The following SPTLC2 variants were observed in gnomAD, a reference collection of about 807,000 sequenced individuals.
SPTLC2 encodes serine palmitoyltransferase long chain base subunit 2.
In SPTLC2, 21 loss-of-function variants were observed where a neutral mutation model predicts 62.0. The observed-to-expected ratio is 0.34, with a 90% CI of 0.24 to 0.49. The LOEUF (loss-of-function observed/expected upper bound fraction) is 0.49. SPTLC2 is among the 20% of genes least tolerant of loss of function. The pLI, the probability that SPTLC2 is intolerant of heterozygous loss-of-function variation, is 0.99. For synonymous variants in SPTLC2, 261 were observed against 261.8 expected (o/e 1.00, Z 0.03); for missense variants, 511 against 713.0 (o/e 0.72, Z 3.23).
intron 9 of SPTLC2, among the ~76,000 whole-genome samples, chr14:77,526,249 G>T (rs1427277856): frequency 6.6e-6 from 1 of 152,102 alleles, no homozygotes; most frequent in Admixed American, 6.5e-5. Flanking sequence ...GCTATTTAAC[G>T]CCAGTGTAGT....
chr14:77,540,164 C>A lies in SPTLC2; in HGVS notation c.1303+11932G>T, dbSNP rs550436789. On this transcript the variant is annotated intron_variant, in intron 9 of 11. Coordinates refer to ENST00000216484, the MANE Select transcript of SPTLC2 (RefSeq NM_004863.4). Reference sequence around the variant, plus strand: ...TAAGCAGAGGTTGTGCCATTGTACTCCAGCCTGCCAGCATGGGCAACAAGA... The same window carrying A: ...TAAGCAGAGGTTGTGCCATTGTACTACAGCCTGCCAGCATGGGCAACAAGA... 1.0e-4 allele frequency among the ~76,000 whole-genome samples: 15 copies of A among 146,572 alleles called. No individual in the cohort carries two copies. In the East Asian group the frequency reaches 3.0e-3, roughly 29 times the overall value.
chr14:77,606,331 C>A (rs1407349511), intron 1 of SPTLC2, among the ~76,000 whole-genome samples: 1 of 151,004 alleles, frequency 6.6e-6, no homozygotes, highest in African/African-American at 2.5e-5. Flanking sequence ...GACTCTGTCT[C>A]AAAAAACAAC....
chr14:77,611,387 C>T (rs531335781), intron 1 of SPTLC2, among the ~76,000 whole-genome samples: 57 of 142,530 alleles, frequency 4.0e-4, no homozygotes, highest in Admixed American at 1.0e-3. Flanking sequence ...CGCTTGAGCC[C>T]GAGAAGTTGA....
In SPTLC2 at chr14:77,570,497, T is replaced by A. The variant is rs971010669; in HGVS notation, c.643A>T (p.Lys215Ter). The A allele has an allele frequency of 6.2e-7, 1 of 1,613,800 alleles. No homozygotes were observed. The highest frequency in any genetic ancestry group is 1.7e-5 in the Admixed American group (1 of 59,998). ...STRQEIGNLD[K>*]HEELEELVAR... ...ACAAGCTCCTCTAGTTCTTCATGCT[T>A]GTCCAGGTTTCCTGTGTGAAGAAGT... The change falls in exon 5 of 12, where the codon AAG (lysine) becomes TAG (stop). Residue 215 changes from lysine (K) to a stop codon, truncating the protein, a stop_gained. Transcript: ENST00000216484. LOFTEE classifies it high-confidence loss of function.
chr14:77,610,095 T>C lies in SPTLC2; in HGVS notation c.132+6353A>G, dbSNP rs143263265. On this transcript the variant is annotated intron_variant, in intron 1 of 11. Coordinates refer to ENST00000216484, the MANE Select transcript of SPTLC2 (RefSeq NM_004863.4). Reference sequence around the variant, plus strand: ...TCATGAACACTTAATACCTGGTTTATTATTTTAGCAATCCTAGTGGTGTGA... The same window carrying C: ...TCATGAACACTTAATACCTGGTTTACTATTTTAGCAATCCTAGTGGTGTGA... Among the ~76,000 whole-genome samples the C allele has an allele frequency of 5.0e-3, 762 of 151,998 alleles. 4 individuals carry two copies. The highest frequency in any genetic ancestry group is 0.031 in the Middle Eastern group (9 of 294).
At chr14:77,591,470 A>G (rs1223081521) in intron 2 of SPTLC2, among the ~76,000 whole-genome samples, 2 of 152,194 alleles carry the variant, frequency 1.3e-5, no homozygotes, top group Non-Finnish European at 2.9e-5. Flanking sequence ...TAAATAGGTA[A>G]CCTTTATGAT....
At chr14:77,590,789 A>T (rs2079811546) in intron 2 of SPTLC2, among the ~76,000 whole-genome samples, 1 of 152,222 alleles carries the variant, frequency 6.6e-6, no homozygotes, top group Non-Finnish European at 1.5e-5. Context: ...AACAAAAGCA[A>T]AAAGGAAAGG....
intron 9 of SPTLC2, among the ~76,000 whole-genome samples, chr14:77,549,435 G>A (rs576821323): frequency 1.3e-5 from 2 of 152,140 alleles, no homozygotes; most frequent in Non-Finnish European, 2.9e-5. Context: ...GTCATGAGGA[G>A]CCTAAGCCAC....
chr14:77,557,196 C>G, intron 6 of SPTLC2, 50 bp from the exon 7 acceptor site: 1 of 1,459,672 alleles, frequency 6.9e-7, no homozygotes, highest in Non-Finnish European at 9.5e-7. Context: ...TCTTTCCTAA[C>G]TTTATTCCGG....
chr14:77,533,989 T>C (rs1270821030), intron 9 of SPTLC2, among the ~76,000 whole-genome samples: 1 of 152,046 alleles, frequency 6.6e-6, no homozygotes, highest in African/African-American at 2.4e-5. Flanking sequence ...CAAAACCCCG[T>C]CTTTACAAAA....
chr14:77,611,137 CA>C (rs71128656), intron 1 of SPTLC2, among the ~76,000 whole-genome samples: 147 of 126,492 alleles, frequency 1.2e-3, no homozygotes, highest in Middle Eastern at 3.9e-3. Flanking sequence ...ACTAAAAATA[CA>C]AAAAAAAAAA....
chr14:77,521,663 A>C, intron 9 of SPTLC2, 82 bp from the exon 10 acceptor site: 2 of 1,240,304 alleles, frequency 1.6e-6, no homozygotes, highest in Non-Finnish European at 2.3e-6. Flanking sequence ...CTCTATCTCC[A>C]TTCTATCTAA....
intron 9 of SPTLC2, among the ~76,000 whole-genome samples, chr14:77,543,143 G>A (rs1003069034): frequency 1.3e-4 from 20 of 152,154 alleles, no homozygotes; most frequent in African/African-American, 4.3e-4. Context: ...TCCACCTCCC[G>A]GGTTCCAGTG....
At chr14:77,563,286 C>G (rs2079624910) in intron 5 of SPTLC2, among the ~76,000 whole-genome samples, 1 of 152,178 alleles carries the variant, frequency 6.6e-6, no homozygotes, top group African/African-American at 2.4e-5. Flanking sequence ...ACAGTCATCC[C>G]TCAGTCTACA....
chr14:77,616,529 AT>A lies in SPTLC2; in HGVS notation c.50del (p.Asn17MetfsTer14). The A allele has an allele frequency of 6.5e-7, 1 of 1,535,254 alleles. No homozygotes were observed. Among genetic ancestry groups the A allele is most frequent in the Non-Finnish European group, 8.7e-7 (1 of 1,146,288 alleles). On this transcript the variant is annotated frameshift_variant, in exon 1 of 12. Transcript: ENST00000216484. LOFTEE classifies it high-confidence loss of function. The part of the protein sequence containing the change: ...GCCCRRTVRA[N>X]GCVANGEVRN... ...GTACTTCCCCGTTCGCCACGCAGCC[AT>A]TCGCCCGCACCGTGCGGCGGCAGCA...
intron 9 of SPTLC2, among the ~76,000 whole-genome samples, chr14:77,538,539 A>G (rs2079482619): frequency 6.6e-6 from 1 of 152,188 alleles, no homozygotes; most frequent in African/African-American, 2.4e-5. Context: ...CATCTTCCTG[A>G]ATTTCACTTA....
At chr14:77,522,507 T>C (rs776456995) in intron 9 of SPTLC2, among the ~76,000 whole-genome samples, 3 of 152,222 alleles carry the variant, frequency 2.0e-5, no homozygotes, top group South Asian at 4.1e-4. Flanking sequence ...ATATCTGTAA[T>C]AGTATAAAAT....
Position 77,535,053 on chromosome 14 carries a change from G to A in SPTLC2, c.1304-13472C>T, listed in dbSNP as rs182812228. 1.1e-4 allele frequency among the ~76,000 whole-genome samples: 16 copies of A among 152,112 alleles called. No individual in the cohort carries two copies. The East Asian group carries it at 1.4e-3, about 13-fold the overall frequency. ...AGCGATTCTCCTGCCTCAGCCTCCC[G>A]AGTAGCTGGGATTACAGGCATGCGC... On this transcript the variant is annotated intron_variant, in intron 9 of 11. Coordinates refer to ENST00000216484, the MANE Select transcript of SPTLC2 (RefSeq NM_004863.4).
intron 1 of SPTLC2, among the ~76,000 whole-genome samples, chr14:77,614,969 GAAAAAAAAAAAC>G (rs1428846091): frequency 2.2e-5 from 3 of 135,932 alleles, no homozygotes; most frequent in Non-Finnish European, 1.6e-5. Context: ...AAAACTGTCT[GAAAAAAAAAAAC>G]AAAAACAAAA....
Sources: gnomAD v4.1 joint callset for allele counts (sites outside exome capture counted in the v4.1 genomes callset) on GRCh38, gnomAD v4.1.1 for gene constraint, MANE v1.5 for transcripts, NCBI Gene and HGNC (gene_info 2026-07-23, HGNC 2026-07-21) for gene names.